Variants in CLIC5 observed in about 807,000 individuals in gnomAD.
The protein encoded by CLIC5 is chloride intracellular channel protein 5.
A neutral mutation model predicts 24.7 loss-of-function variants in CLIC5; 20 were observed. The ratio of observed to expected loss-of-function variants is 0.81; its 90% CI spans 0.57 to 1.18. CLIC5 has a LOEUF of 1.18. CLIC5 is among the 50% of genes most tolerant of loss of function. The pLI, the probability that CLIC5 is intolerant of heterozygous loss-of-function variation, is 0.00. For synonymous variants in CLIC5, 159 were observed against 135.6 expected (o/e 1.17, Z -1.20); for missense variants, 341 against 326.1 (o/e 1.05, Z -0.35).
At chr6:45,994,291 C>T (rs1766047509) in intron 1 of CLIC5, among the ~76,000 whole-genome samples, 1 of 152,130 alleles carries the variant, frequency 6.6e-6, no homozygotes, top group South Asian at 2.1e-4. Context: ...ACATATACAC[C>T]ATGGAATACT....
intron 1 of CLIC5, among the ~76,000 whole-genome samples, chr6:45,970,653 C>T (rs1185579782): frequency 1.3e-5 from 2 of 152,108 alleles, no homozygotes; most frequent in Admixed American, 1.3e-4. Flanking sequence ...GGAATTTTTC[C>T]AAGCCCTACC....
At chr6:46,089,699 C>T in the CLIC5 span, among the ~76,000 whole-genome samples, 3 of 152,262 alleles carry the variant, frequency 2.0e-5, no homozygotes, top group African/African-American at 7.2e-5. Context: ...TCCCCTTCTC[C>T]CACAACTAAG....
In CLIC5 at chr6:45,979,262, C is replaced by T. The variant is rs142627745; in HGVS notation, c.64-24018G>A. On this transcript the variant is annotated intron_variant, in intron 1 of 5. Transcript: ENST00000339561. The stretch of plus-strand genomic sequence containing the variant: ...TATGTGCTAACTGAAGACCAATCTT[C>T]AAAGTTCAGGGGAAGGGGCATTTCC... Among the ~76,000 whole-genome samples the T allele has an allele frequency of 3.1e-4, 47 of 152,284 alleles. No individual in the cohort carries two copies. In the East Asian group the frequency reaches 8.7e-3, roughly 28 times the overall value.
intron 1 of CLIC5, among the ~76,000 whole-genome samples, chr6:46,027,473 C>G (rs1462906976): frequency 1.3e-5 from 2 of 152,158 alleles, no homozygotes; most frequent in Admixed American, 6.5e-5. Context: ...TTCACCTTTT[C>G]CTATGTAATT....
chr6:46,049,602 T>C (rs1338459), intron 1 of CLIC5, among the ~76,000 whole-genome samples: 79,405 of 151,668 alleles, frequency 0.52, 20,830 homozygotes, highest in Admixed American at 0.64. Context: ...CATTTCAATA[T>C]AACCTTCAGA....
the CLIC5 span, among the ~76,000 whole-genome samples, chr6:46,117,567 T>C: frequency 2.5e-4 from 38 of 152,342 alleles, no homozygotes; most frequent in Non-Finnish European, 4.4e-4. Context: ...GGTTTGTGAA[T>C]AAAAAGAATT....
intron 1 of CLIC5, among the ~76,000 whole-genome samples, chr6:46,074,697 A>G (rs1384437783): frequency 6.6e-6 from 1 of 152,186 alleles, no homozygotes; most frequent in African/African-American, 2.4e-5. Context: ...AACTTTTCCA[A>G]CCACAGCCAA....
chr6:46,012,723 T>G (rs768550469), intron 1 of CLIC5, among the ~76,000 whole-genome samples: 1 of 152,240 alleles, frequency 6.6e-6, no homozygotes, highest in Non-Finnish European at 1.5e-5. Context: ...CTACTTTCTG[T>G]GAGCACATGT....
intron 1 of CLIC5, among the ~76,000 whole-genome samples, chr6:45,970,114 G>A (rs1331676250): frequency 6.6e-6 from 1 of 152,096 alleles, no homozygotes; most frequent in African/African-American, 2.4e-5. Flanking sequence ...AAAGGTCACA[G>A]GTCTGGAGAA....
At chr6:46,003,330 C>T (rs957687632) in intron 1 of CLIC5, among the ~76,000 whole-genome samples, 1 of 152,202 alleles carries the variant, frequency 6.6e-6, no homozygotes, top group South Asian at 2.1e-4. Context: ...GTCTCACCTA[C>T]CCTTTTCCCT....
chr6:46,029,568 A>G (rs981286220), intron 1 of CLIC5, among the ~76,000 whole-genome samples: 2 of 152,190 alleles, frequency 1.3e-5, no homozygotes, highest in Admixed American at 6.5e-5. Flanking sequence ...GCTGTGGGTC[A>G]TTGAAACTGA....
chr6:45,957,616 A>T (rs1222193851), intron 1 of CLIC5, among the ~76,000 whole-genome samples: 3 of 152,200 alleles, frequency 2.0e-5, no homozygotes, highest in Non-Finnish European at 4.4e-5. Context: ...GGTATCCTTC[A>T]TGGCTCCCTA....
chr6:46,067,640 G>A (rs929139207), intron 1 of CLIC5, among the ~76,000 whole-genome samples: 8 of 152,148 alleles, frequency 5.3e-5, no homozygotes, highest in African/African-American at 1.9e-4. Context: ...TGACTCCAAT[G>A]TCCCTTTAGA....
At chr6:46,066,049 C>T (rs77744142) in intron 1 of CLIC5, among the ~76,000 whole-genome samples, 15,773 of 152,122 alleles carry the variant, frequency 0.1, 872 homozygotes, top group African/African-American at 0.15. Flanking sequence ...CTGGAATGCA[C>T]ATAAAATGTC....
intron 1 of CLIC5, among the ~76,000 whole-genome samples, chr6:46,027,356 T>G (rs1470835285): frequency 6.6e-6 from 1 of 152,170 alleles, no homozygotes; most frequent in Admixed American, 6.5e-5. Flanking sequence ...GAACAGCATG[T>G]ATGATGGCCC....
chr6:46,125,581 T>A, the CLIC5 span, among the ~76,000 whole-genome samples: 3 of 151,556 alleles, frequency 2.0e-5, no homozygotes, highest in Admixed American at 6.6e-5. Flanking sequence ...ATAATTAAAA[T>A]ATATATATAT....
chr6:46,004,383 G>A lies in CLIC5; in HGVS notation c.63+11097C>T, dbSNP rs188488906. Among the ~76,000 whole-genome samples, 7 of 152,310 alleles carry A rather than the reference G, an allele frequency of 4.6e-5. No individual in the cohort carries two copies. In the East Asian group the frequency reaches 1.4e-3, roughly 29 times the overall value. The stretch of plus-strand genomic sequence containing the variant: ...GCCACAGGATTGAGCTCTGGACTAT[G>A]GAAAGTGGGTGGAAGTGATTCGACC... On this transcript the variant is annotated intron_variant, in intron 1 of 5. Transcript: ENST00000339561.
chr6:46,005,261 C>T (rs1391494105), intron 1 of CLIC5, among the ~76,000 whole-genome samples: 2 of 152,162 alleles, frequency 1.3e-5, no homozygotes, highest in Admixed American at 6.5e-5. Context: ...TTTCTCCAGT[C>T]GGACACTTGT....
intron 4 of CLIC5, among the ~76,000 whole-genome samples, chr6:45,922,746 G>A (rs888823697): frequency 6.6e-6 from 1 of 151,890 alleles, no homozygotes; most frequent in South Asian, 2.1e-4. Context: ...GTTTCCTTTT[G>A]TGTACTCATC....
Sources: allele counts gnomAD v4.1 joint callset (sites outside exome capture counted in the v4.1 genomes callset), GRCh38; gene constraint gnomAD v4.1.1; transcripts MANE v1.5; gene names NCBI Gene and HGNC (gene_info 2026-07-23, HGNC 2026-07-21).